The following DLG2 variants were observed in gnomAD, a reference collection of about 807,000 sequenced individuals.
DLG2 encodes disks large homolog 2.
DLG2 carries 45 observed loss-of-function variants against 132.5 expected under a neutral mutation model. The ratio of observed to expected loss-of-function variants is 0.34; its 90% CI spans 0.27 to 0.44. DLG2 has a LOEUF of 0.44. Among genes scored for constraint, DLG2 ranks in the 20% least tolerant of loss-of-function variants. The pLI, the probability that DLG2 is intolerant of heterozygous loss-of-function variation, is 1.00. For synonymous variants in DLG2, 424 were observed against 419.6 expected (o/e 1.01, Z -0.13); for missense variants, 1,045 against 1,196.9 (o/e 0.87, Z 1.87).
At chr11:83,732,246 A>T (rs2091150995) in intron 18 of DLG2, among the ~76,000 whole-genome samples, 2 of 152,136 alleles carry the variant, frequency 1.3e-5, no homozygotes, top group Non-Finnish European at 2.9e-5. Context: ...GAAATAATTA[A>T]ATTAATTATT....
rs115512776 is a variant in DLG2 at position 85,144,251 on chromosome 11, G to A, written c.282+10305C>T. ...TCTGATATAGGTATAGCTAATTCCT[G>A]CTCTTTCTTAGTTTACATTTGTACA... On this transcript the variant is annotated intron_variant, in intron 5 of 27. Coordinates refer to ENST00000376104, the MANE Select transcript of DLG2 (RefSeq NM_001142699.3). Among the ~76,000 whole-genome samples the A allele has an allele frequency of 1.9e-3, 285 of 150,728 alleles. 1 individual carries two copies. Among genetic ancestry groups the A allele is most frequent in the African/African-American group, 6.7e-3 (277 of 41,154 alleles).
intron 17 of DLG2, among the ~76,000 whole-genome samples, chr11:83,802,447 T>G (rs1021201453): frequency 1.3e-5 from 2 of 152,048 alleles, no homozygotes; most frequent in Admixed American, 6.6e-5. Context: ...CTTTCTCTGG[T>G]GGATGGTGGT....
chr11:83,819,142 C>T lies in DLG2; in HGVS notation c.1722+14472G>A, dbSNP rs547975858. Among the ~76,000 whole-genome samples, 11 of 152,124 alleles carry T rather than the reference C, an allele frequency of 7.2e-5. No individual in the cohort carries two copies. The East Asian group carries it at 1.5e-3, about 21-fold the overall frequency. Reference sequence around the variant, plus strand: ...GAGCCCCATCAACAAAGGGAGTTCCCGCTCAGCATGGAGGCAGACCCTCCG... The same window carrying T: ...GAGCCCCATCAACAAAGGGAGTTCCTGCTCAGCATGGAGGCAGACCCTCCG... On this transcript the variant is annotated intron_variant, in intron 17 of 27. Transcript: ENST00000376104.
intron 21 of DLG2, among the ~76,000 whole-genome samples, chr11:83,507,550 A>G (rs2139612939): frequency 6.9e-6 from 1 of 145,520 alleles, no homozygotes; most frequent in Non-Finnish European, 1.5e-5. Context: ...TCCTAAAGAT[A>G]TATATCCTAA....
intron 2 of DLG2, among the ~76,000 whole-genome samples, chr11:85,615,129 T>G (rs2081254275): frequency 6.6e-6 from 1 of 152,200 alleles, no homozygotes. Flanking sequence ...TATCTCTCCT[T>G]TCAGACAAGC....
rs560727078 is a variant in DLG2 at position 84,913,432 on chromosome 11, C to G, written c.357+198229G>C. On this transcript the variant is annotated intron_variant, in intron 6 of 27. Coordinates refer to ENST00000376104, the MANE Select transcript of DLG2 (RefSeq NM_001142699.3). ...GTTACACTTGAAAGCTTTCTAACCT[C>G]TGCTGAAAAGTAATGGTCCAAGAAA... Among the ~76,000 whole-genome samples, 7 of 152,302 alleles carry G rather than the reference C, an allele frequency of 4.6e-5. No individual in the cohort carries two copies. The South Asian group carries it at 1.5e-3, about 32-fold the overall frequency.
chr11:84,211,062 T>C (rs1349226070), intron 8 of DLG2, among the ~76,000 whole-genome samples: 1 of 152,174 alleles, frequency 6.6e-6, no homozygotes, highest in Non-Finnish European at 1.5e-5. Flanking sequence ...AAGTATATCG[T>C]TGGATGAAAA....
At chr11:83,775,810 T>C (rs1208915132) in intron 18 of DLG2, among the ~76,000 whole-genome samples, 1 of 151,916 alleles carries the variant, frequency 6.6e-6, no homozygotes, top group East Asian at 1.9e-4. Context: ...TAAAGATGAA[T>C]AGCCGGGCGC....
intron 3 of DLG2, among the ~76,000 whole-genome samples, chr11:85,535,262 A>T (rs2075502641): frequency 6.6e-6 from 1 of 152,146 alleles, no homozygotes; most frequent in African/African-American, 2.4e-5. Context: ...AAAAAGAAAA[A>T]AATAATTTCA....
Position 83,888,790 on chromosome 11 carries a change from GAAAT to G in DLG2, c.1497-14306_1497-14303del, listed in dbSNP as rs2068760205. Among the ~76,000 whole-genome samples, 2 of 152,140 alleles carry G rather than the reference GAAAT, an allele frequency of 1.3e-5. 1 individual carries two copies. The highest frequency in any genetic ancestry group is 1.3e-4 in the Admixed American group (2 of 15,272). ...TCAATGGAACAGAACAGAGCCCTCA[GAAAT>G]AAAGCCGCATATCTACAACTATCTG... is the stretch of plus-strand genomic sequence containing the variant. On this transcript the variant is annotated intron_variant, in intron 15 of 27. Coordinates refer to ENST00000376104, the MANE Select transcript of DLG2 (RefSeq NM_001142699.3).
chr11:85,321,123 A>G (rs1166469548), intron 3 of DLG2, among the ~76,000 whole-genome samples: 1 of 151,972 alleles, frequency 6.6e-6, no homozygotes, highest in East Asian at 1.9e-4. Context: ...GTAATAATGG[A>G]CAAAGTGATG....
intron 7 of DLG2, among the ~76,000 whole-genome samples, chr11:84,301,651 CAAAAAAAA>C (rs753899806): frequency 3.8e-5 from 1 of 26,596 alleles, no homozygotes; most frequent in South Asian, 1.6e-3. Flanking sequence ...AGGCGAGACT[CAAAAAAAA>C]AAAAAAAAAA....
At chr11:84,683,749 AG>A (rs966695607) in intron 6 of DLG2, among the ~76,000 whole-genome samples, 8 of 152,188 alleles carry the variant, frequency 5.3e-5, no homozygotes, top group African/African-American at 1.9e-4. Context: ...TTTAGGTGGA[AG>A]GATGGGTTTT....
rs184331846 is a variant in DLG2 at position 84,989,724 on chromosome 11, C to T, written c.357+121937G>A. ...CTACCCTGAGTTCATTCAAGATTTACTACATAGCTAGAGTAATCAAGACTG... is the reference window on the plus strand; with the variant it reads ...CTACCCTGAGTTCATTCAAGATTTATTACATAGCTAGAGTAATCAAGACTG... On this transcript the variant is annotated intron_variant, in intron 6 of 27. Transcript: ENST00000376104. 5.9e-5 allele frequency among the ~76,000 whole-genome samples: 9 copies of T among 152,280 alleles called. No individual in the cohort carries two copies. The East Asian group carries it at 1.5e-3, about 26-fold the overall frequency.
intron 3 of DLG2, among the ~76,000 whole-genome samples, chr11:85,581,926 C>T (rs187568218): frequency 8.6e-4 from 131 of 152,128 alleles, no homozygotes; most frequent in African/African-American, 2.9e-3. Flanking sequence ...AAAGAATGTA[C>T]GAAAATGTTC....
At chr11:83,950,392 C>T (rs1368675393) in intron 14 of DLG2, among the ~76,000 whole-genome samples, 2 of 152,210 alleles carry the variant, frequency 1.3e-5, no homozygotes, top group African/African-American at 2.4e-5. Flanking sequence ...GTCAGGAGTT[C>T]GAGACCAGCC....
intron 6 of DLG2, among the ~76,000 whole-genome samples, chr11:84,585,504 C>T (rs1033325018): frequency 5.3e-5 from 8 of 152,134 alleles, no homozygotes; most frequent in Admixed American, 4.6e-4. Flanking sequence ...CTTTGCTCTC[C>T]TCATGTACAT....
At chr11:84,368,487 G>C (rs1353655382) in intron 7 of DLG2, among the ~76,000 whole-genome samples, 1 of 152,020 alleles carries the variant, frequency 6.6e-6, no homozygotes, top group Non-Finnish European at 1.5e-5. Flanking sequence ...ACTAGATCAA[G>C]TAAACATGTC....
At chr11:84,085,101 AT>A (rs1319678425) in intron 10 of DLG2, among the ~76,000 whole-genome samples, 20 of 152,324 alleles carry the variant, frequency 1.3e-4, no homozygotes, top group Non-Finnish European at 2.1e-4. Context: ...TGTTAAGCTA[AT>A]TTGAAGTGGC....
Sources: allele counts gnomAD v4.1 joint callset (sites outside exome capture counted in the v4.1 genomes callset), GRCh38; gene constraint gnomAD v4.1.1; transcripts MANE v1.5; gene names NCBI Gene and HGNC (gene_info 2026-07-23, HGNC 2026-07-21).